TLN2: variants seen among roughly 807,000 people sequenced by gnomAD.
The protein encoded by TLN2 is talin 2, also known as talin-2.
A neutral mutation model predicts 294.7 loss-of-function variants in TLN2; 118 were observed. That is an observed-to-expected ratio of 0.40 (90% CI 0.34 to 0.47). TLN2 has a LOEUF of 0.47. TLN2 is among the 20% of genes least tolerant of loss of function. TLN2 has a pLI of 0.84. For synonymous variants in TLN2, 1,431 were observed against 1,304.5 expected (o/e 1.10, Z -2.09); for missense variants, 3,083 against 3,282.2 (o/e 0.94, Z 1.48).
chr15:62,605,187 T>G (rs531626884), intron 2 of TLN2, among the ~76,000 whole-genome samples: 1 of 152,310 alleles, frequency 6.6e-6, no homozygotes, highest in African/African-American at 2.4e-5. Flanking sequence ...TGTTTATGAA[T>G]GAGGTGAATT....
chr15:62,642,462 G>A (rs566005251), intron 3 of TLN2, among the ~76,000 whole-genome samples: 1 of 152,322 alleles, frequency 6.6e-6, no homozygotes, highest in East Asian at 1.9e-4. Context: ...GTGCAGAAGA[G>A]TAGACGCCAG....
In TLN2 at chr15:62,618,387, C is replaced by G. The variant is rs1051469513; in HGVS notation, c.-125C>G. On this transcript the variant is annotated 5_prime_UTR_variant, in exon 3 of 59. Coordinates refer to ENST00000636159, the MANE Select transcript of TLN2 (RefSeq NM_015059.3). ...GGCGGAGGACACCTGCACTTGTTAC[C>G]CTGAGTTGATTCCTGAAACTTCGGA... 13 of 152,270 alleles carry G rather than the reference C, an allele frequency of 8.5e-5. No homozygotes were observed. Among genetic ancestry groups the G allele is most frequent in the South Asian group, 6.2e-4 (3 of 4,814 alleles). The allele number at this position is 152,270 out of a possible 1,614,324, so 9.4% of individuals were successfully genotyped here.
intron 1 of TLN2, chr15:62,561,406 G>T (rs1050231963): frequency 3.9e-5 from 6 of 152,236 alleles, no homozygotes; most frequent in Non-Finnish European, 5.9e-5. Flanking sequence ...TAACGCCTTC[G>T]CGAGAGGAGC....
intron 3 of TLN2, among the ~76,000 whole-genome samples, chr15:62,641,595 C>A (rs1230918139): frequency 2.0e-5 from 3 of 151,920 alleles, no homozygotes; most frequent in Non-Finnish European, 4.4e-5. Flanking sequence ...TGCATTCTTG[C>A]CTGGGCTACG....
chr15:62,635,559 C>G (rs188198395), intron 3 of TLN2, among the ~76,000 whole-genome samples: 48 of 152,152 alleles, frequency 3.2e-4, no homozygotes, highest in African/African-American at 1.0e-3. Flanking sequence ...GAAATGTGTC[C>G]AAATGTTAGT....
intron 9 of TLN2, among the ~76,000 whole-genome samples, chr15:62,672,410 CATGGTATTAATT>C (rs2055542676): frequency 6.6e-6 from 1 of 152,122 alleles, no homozygotes; most frequent in African/African-American, 2.4e-5. Context: ...TGCCCCATCA[CATGGTATTAATT>C]ATATGATGTC....
chr15:62,781,059 A>T, intron 43 of TLN2, 81 bp from the exon 44 acceptor site: 2 of 1,093,770 alleles, frequency 1.8e-6, no homozygotes. Flanking sequence ...TCTGTTTTTC[A>T]AAGTTCCTAA....
chr15:62,825,106 G>C (rs2067929210), intron 54 of TLN2, among the ~76,000 whole-genome samples: 1 of 152,132 alleles, frequency 6.6e-6, no homozygotes, highest in Non-Finnish European at 1.5e-5. Context: ...TTACATAATG[G>C]ATCCTGTCTC....
At chr15:62,493,939 A>T (rs764068037) in intron 1 of TLN2, among the ~76,000 whole-genome samples, 3 of 152,060 alleles carry the variant, frequency 2.0e-5, no homozygotes, top group Non-Finnish European at 4.4e-5. Flanking sequence ...AGTAAATAAC[A>T]ATCTCCTTGT....
chr15:62,495,224 C>T (rs1239165515), intron 1 of TLN2, among the ~76,000 whole-genome samples: 1 of 152,152 alleles, frequency 6.6e-6, no homozygotes, highest in African/African-American at 2.4e-5. Context: ...TATATAATGA[C>T]CCTCCTAGGA....
At chr15:62,557,848 C>T (rs975329487) in intron 1 of TLN2, among the ~76,000 whole-genome samples, 1 of 152,214 alleles carries the variant, frequency 6.6e-6, no homozygotes, top group Non-Finnish European at 1.5e-5. Context: ...GCTGGGAACA[C>T]TTTTATTAGG....
chr15:62,502,048 GC>G (rs1217936011), intron 1 of TLN2, among the ~76,000 whole-genome samples: 2 of 152,158 alleles, frequency 1.3e-5, no homozygotes, highest in Admixed American at 1.3e-4. Context: ...CCTATGATGG[GC>G]CTTATAGGAG....
chr15:62,647,395 G>C lies in TLN2; in HGVS notation c.85G>C (p.Asp29His), dbSNP rs201936321. 1 of 1,614,214 alleles carries C rather than the reference G, an allele frequency of 6.2e-7. No individual in the cohort carries two copies. The highest frequency in any genetic ancestry group is 1.1e-5 in the South Asian group (1 of 91,088). ...GTTTGAACCATCTACAGCTGTGTAC[G>C]ATGCGTGTCGAGTCATTCGGGAACG... Reference protein sequence around the residue: ...MQFEPSTAVYDACRVIRERVP... With the variant: ...MQFEPSTAVYHACRVIRERVP... The change falls in exon 4 of 59, where the codon GAT becomes CAT. Residue 29 changes from aspartate to histidine, a missense_variant. Asp to His is a moderately conservative substitution (Grantham distance 81). Coordinates refer to ENST00000636159, the MANE Select transcript of TLN2 (RefSeq NM_015059.3).
intron 14 of TLN2, among the ~76,000 whole-genome samples, chr15:62,696,783 C>A (rs1050118616): frequency 6.6e-6 from 1 of 152,174 alleles, no homozygotes. Flanking sequence ...TAGTTGAAAG[C>A]ATTTGGGGAA....
intron 22 of TLN2, among the ~76,000 whole-genome samples, chr15:62,714,199 T>C (rs2059620074): frequency 1.2e-5 from 1 of 85,626 alleles, no homozygotes; most frequent in Non-Finnish European, 2.4e-5. Context: ...GTTTTTTTTT[T>C]TTTTTTTTTC....
chr15:62,767,335 TTTTCTTTTC>T (rs1216337124), intron 41 of TLN2, among the ~76,000 whole-genome samples: 1 of 149,862 alleles, frequency 6.7e-6, no homozygotes, highest in East Asian at 1.9e-4. Context: ...TTTTCTTTTC[TTTTCTTTTC>T]TTTGTTTTTT....
At chr15:62,439,162 G>A (rs545540867) in intron 1 of TLN2, among the ~76,000 whole-genome samples, 23 of 152,144 alleles carry the variant, frequency 1.5e-4, no homozygotes, top group Non-Finnish European at 2.5e-4. Context: ...GGCAGACATC[G>A]CTAGAAGATT....
chr15:62,589,274 A>G (rs2045902738), intron 1 of TLN2, among the ~76,000 whole-genome samples: 1 of 152,224 alleles, frequency 6.6e-6, no homozygotes, highest in Non-Finnish European at 1.5e-5. Context: ...CAGATGTGTT[A>G]GAGGAGCTAA....
At chr15:62,742,157 AAAC>A (rs2061375745) in intron 32 of TLN2, among the ~76,000 whole-genome samples, 1 of 151,864 alleles carries the variant, frequency 6.6e-6, no homozygotes, top group Non-Finnish European at 1.5e-5. Context: ...TTTTAACTGC[AAAC>A]AATAGCTAGA....
Sources: gnomAD v4.1 joint callset for allele counts (sites outside exome capture counted in the v4.1 genomes callset) on GRCh38, gnomAD v4.1.1 for gene constraint, MANE v1.5 for transcripts, NCBI Gene and HGNC (gene_info 2026-07-23, HGNC 2026-07-21) for gene names.